ATRN: variants seen among roughly 807,000 people sequenced by gnomAD.
ATRN encodes the protein attractin-2.
Under a neutral mutation model 178.7 loss-of-function variants are expected in ATRN, and 54 were observed. The ratio of observed to expected loss-of-function variants is 0.30; its 90% CI spans 0.24 to 0.38. The LOEUF (loss-of-function observed/expected upper bound fraction) is 0.38. ATRN is among the 10% of genes least tolerant of loss of function. ATRN has a pLI of 1.00. For synonymous variants in ATRN, 636 were observed against 663.0 expected (o/e 0.96, Z 0.63); for missense variants, 1,443 against 1,815.1 (o/e 0.79, Z 3.73).
chr20:3,471,636 C>A, intron 1 of ATRN, 119 bp downstream of exon 1: 1 of 1,273,326 alleles, frequency 7.9e-7, no homozygotes, highest in Non-Finnish European at 1.0e-6. Flanking sequence ...GTAGGGCCGC[C>A]CTATGGGGTT....
chr20:3,509,290 G>A (rs2085090564), intron 1 of ATRN, among the ~76,000 whole-genome samples: 1 of 151,916 alleles, frequency 6.6e-6, no homozygotes, highest in South Asian at 2.1e-4. Flanking sequence ...TAGAGAAAAA[G>A]GTATATCACA....
chr20:3,474,496 A>G (rs1325929976), intron 1 of ATRN, among the ~76,000 whole-genome samples: 1 of 148,700 alleles, frequency 6.7e-6, no homozygotes, highest in Admixed American at 6.7e-5. Context: ...TCACGAGGTC[A>G]GGAGATCGAG....
intron 23 of ATRN, among the ~76,000 whole-genome samples, chr20:3,601,430 A>T (rs1347934831): frequency 6.6e-6 from 1 of 152,206 alleles, no homozygotes; most frequent in African/African-American, 2.4e-5. Flanking sequence ...CAATAAATGA[A>T]AACATTTTAA....
At chr20:3,618,022 C>T (rs1317319133) in intron 24 of ATRN, among the ~76,000 whole-genome samples, 1 of 152,184 alleles carries the variant, frequency 6.6e-6, no homozygotes, top group African/African-American at 2.4e-5. Context: ...GGGCTCCTCC[C>T]TGTGGGGCCT....
chr20:3,612,522 G>A (rs144774266), intron 24 of ATRN, among the ~76,000 whole-genome samples: 187 of 152,232 alleles, frequency 1.2e-3, no homozygotes, highest in African/African-American at 4.3e-3. Context: ...AATTCTCCCT[G>A]CTGTAGGCTG....
intron 24 of ATRN, among the ~76,000 whole-genome samples, chr20:3,609,447 A>G (rs1387575944): frequency 1.3e-5 from 2 of 152,152 alleles, no homozygotes; most frequent in African/African-American, 4.8e-5. Context: ...GGTTTTCTGT[A>G]TATAAGATTA....
intron 1 of ATRN, among the ~76,000 whole-genome samples, chr20:3,524,317 A>G (rs1379129220): frequency 6.6e-6 from 1 of 152,108 alleles, no homozygotes; most frequent in Non-Finnish European, 1.5e-5. Context: ...AAAGACAAAG[A>G]AGGACATTAC....
intron 3 of ATRN, among the ~76,000 whole-genome samples, chr20:3,545,394 CAT>C (rs2085686717): frequency 1.3e-5 from 2 of 150,552 alleles, no homozygotes; most frequent in African/African-American, 2.4e-5. Flanking sequence ...ACAAAAACCT[CAT>C]GTCTTTCAGC....
At chr20:3,612,628 A>G (rs970354011) in intron 24 of ATRN, among the ~76,000 whole-genome samples, 5 of 152,158 alleles carry the variant, frequency 3.3e-5, no homozygotes, top group African/African-American at 1.2e-4. Flanking sequence ...GTTTGGCAAC[A>G]TCTCCTGACA....
intron 15 of ATRN, among the ~76,000 whole-genome samples, chr20:3,581,072 T>C (rs1161603593): frequency 2.0e-5 from 3 of 151,906 alleles, no homozygotes; most frequent in Non-Finnish European, 2.9e-5. Flanking sequence ...GGAGACCTCG[T>C]CTCTACAAAG....
Position 3,494,221 on chromosome 20 carries a change from G to A in ATRN, c.410+22704G>A, listed in dbSNP as rs2084846745. Among the ~76,000 whole-genome samples, 4 of 152,198 alleles carry A rather than the reference G, an allele frequency of 2.6e-5. No individual in the cohort carries two copies. In the South Asian group the frequency reaches 6.2e-4, roughly 24 times the overall value. On this transcript the variant is annotated intron_variant, in intron 1 of 28. Transcript: ENST00000262919. ...TGCTGAGCCACGAAGACTTAATGCA[G>A]GTGAGTTGAGGAAGAAATACATAGT...
At chr20:3,582,966 G>A (rs1288184818) in intron 16 of ATRN, among the ~76,000 whole-genome samples, 2 of 152,184 alleles carry the variant, frequency 1.3e-5, no homozygotes, top group African/African-American at 4.8e-5. Context: ...GCAGCATGAA[G>A]ACAACTCAAA....
chr20:3,555,129 G>A (rs369360010), intron 6 of ATRN, among the ~76,000 whole-genome samples: 1 of 151,382 alleles, frequency 6.6e-6, no homozygotes. Context: ...AGCCTCCCGA[G>A]TAGCTGGGAC....
At position 3,650,520 on chromosome 20, in the gene ATRN, C is replaced by G. The variant is rs2087138772; in HGVS notation, c.*3673C>G. ...CTCCTGGCCTCAGGGCATGCCCTGC[C>G]TACCTTCTGAAATGTTTACCCCATT... On this transcript the variant is annotated 3_prime_UTR_variant, in exon 29 of 29. Transcript: ENST00000262919. 1 of 152,330 alleles carries G rather than the reference C, an allele frequency of 6.6e-6. No individual in the cohort carries two copies. Among genetic ancestry groups the G allele is most frequent in the East Asian group, 1.9e-4 (1 of 5,190 alleles). The allele number at this position is 152,330 out of a possible 1,614,324, so 9.4% of individuals were successfully genotyped here.
chr20:3,497,072 G>C (rs2084890485), intron 1 of ATRN, among the ~76,000 whole-genome samples: 1 of 150,886 alleles, frequency 6.6e-6, no homozygotes. Flanking sequence ...CGTGAGATGG[G>C]TTTCCTGAAT....
At chr20:3,502,674 C>G (rs1264999122) in intron 1 of ATRN, among the ~76,000 whole-genome samples, 1 of 152,178 alleles carries the variant, frequency 6.6e-6, no homozygotes, top group African/African-American at 2.4e-5. Context: ...CCTGAGATGT[C>G]CCTTTTCCAC....
chr20:3,542,050 T>C (rs754798063), intron 3 of ATRN, among the ~76,000 whole-genome samples: 3 of 152,142 alleles, frequency 2.0e-5, no homozygotes, highest in Non-Finnish European at 4.4e-5. Flanking sequence ...ACCAAGGCCA[T>C]TTTCTGTGTT....
chr20:3,545,281 T>C (rs1284312863), intron 3 of ATRN, among the ~76,000 whole-genome samples: 1 of 149,208 alleles, frequency 6.7e-6, no homozygotes, highest in African/African-American at 2.5e-5. Context: ...TGCAGGAGAA[T>C]CGCTTGAACC....
Position 3,575,842 on chromosome 20 carries a change from G to C in ATRN, c.2108G>C (p.Arg703Thr), listed in dbSNP as rs1258301643. Residue 703 changes from arginine to threonine, a missense_variant, in exon 13 of 29, where the codon AGA (arginine) becomes ACA (threonine). By Grantham distance (71) the Arg-to-Thr change is moderately conservative (BLOSUM62 -1). Coordinates refer to ENST00000262919, the MANE Select transcript of ATRN (RefSeq NM_139321.3). ...TTCTTTGCAGCTCTTGACCATGACA[G>C]ATGTGACCAGCACACAGATTGTTAC... ...CFSKRTLDHD[R>T]CDQHTDCYSC... The C allele has an allele frequency of 1.2e-6, 2 of 1,612,122 alleles. No individual in the cohort carries two copies. The highest frequency in any genetic ancestry group is 2.7e-5 in the African/African-American group (2 of 74,828).
Sources: gnomAD v4.1 joint callset for allele counts (sites outside exome capture counted in the v4.1 genomes callset) on GRCh38, gnomAD v4.1.1 for gene constraint, MANE v1.5 for transcripts, NCBI Gene and HGNC (gene_info 2026-07-23, HGNC 2026-07-21) for gene names.